The following SLC35F4 variants were observed in gnomAD, a reference collection of about 807,000 sequenced individuals.
SLC35F4 encodes the protein chromosome 14 open reading frame 36.
SLC35F4 carries 24 observed loss-of-function variants against 44.2 expected under a neutral mutation model. The ratio of observed to expected loss-of-function variants is 0.54; its 90% confidence interval spans 0.39 to 0.76. The LOEUF (loss-of-function observed/expected upper bound fraction) is 0.76. Among genes scored for constraint, SLC35F4 ranks in the 30% least tolerant of loss-of-function variants. SLC35F4 has a pLI of 0.00. For synonymous variants in SLC35F4, 238 were observed against 223.6 expected (o/e 1.06, Z -0.57); for missense variants, 562 against 586.1 (o/e 0.96, Z 0.42).
At chr14:57,681,091 T>G (rs1210182377) in intron 1 of SLC35F4, among the ~76,000 whole-genome samples, 1 of 152,104 alleles carries the variant, frequency 6.6e-6, no homozygotes, top group Admixed American at 6.6e-5. Context: ...AGAACAAACC[T>G]GGAAGCCATC....
chr14:57,710,016 C>A (rs1253058304), intron 1 of SLC35F4, among the ~76,000 whole-genome samples: 1 of 152,212 alleles, frequency 6.6e-6, no homozygotes, highest in Non-Finnish European at 1.5e-5. Flanking sequence ...TGATAATCAC[C>A]AAGACAATGG....
At chr14:57,825,548 G>C (rs948321033) in intron 1 of SLC35F4, among the ~76,000 whole-genome samples, 1 of 152,074 alleles carries the variant, frequency 6.6e-6, no homozygotes, top group Non-Finnish European at 1.5e-5. Context: ...AGTTCTACAA[G>C]CTTTAGAACA....
intron 4 of SLC35F4, among the ~76,000 whole-genome samples, chr14:57,577,936 A>G (rs998660743): frequency 6.6e-6 from 1 of 152,216 alleles, no homozygotes; most frequent in African/African-American, 2.4e-5. Context: ...ATGGGCTGAA[A>G]TGACTTCATA....
chr14:57,607,862 G>A (rs533638078), intron 1 of SLC35F4, among the ~76,000 whole-genome samples: 2 of 152,194 alleles, frequency 1.3e-5, no homozygotes, highest in African/African-American at 4.8e-5. Context: ...CGCAGAGATG[G>A]AATGGATATA....
At chr14:57,950,343 ATTTC>A (rs1217747153) in intron 1 of SLC35F4, among the ~76,000 whole-genome samples, 1 of 151,196 alleles carries the variant, frequency 6.6e-6, no homozygotes, top group Non-Finnish European at 1.5e-5. Flanking sequence ...TGCATTTTGT[ATTTC>A]TTTACGTGTG....
chr14:57,648,091 A>G (rs1300140214), intron 1 of SLC35F4, among the ~76,000 whole-genome samples: 2 of 152,220 alleles, frequency 1.3e-5, no homozygotes, highest in Non-Finnish European at 2.9e-5. Flanking sequence ...TTACTGTGAC[A>G]GTAACTTCTA....
At chr14:57,758,349 AT>A (rs375234024) in intron 1 of SLC35F4, among the ~76,000 whole-genome samples, 1 of 151,616 alleles carries the variant, frequency 6.6e-6, no homozygotes, top group African/African-American at 2.4e-5. Flanking sequence ...CCATTACTTT[AT>A]TTTTTTCTTA....
intron 1 of SLC35F4, among the ~76,000 whole-genome samples, chr14:57,709,969 TG>T (rs1374182404): frequency 6.6e-6 from 1 of 152,198 alleles, no homozygotes; most frequent in Non-Finnish European, 1.5e-5. Context: ...AAATTCAACC[TG>T]GCTGCAGAAA....
chr14:57,827,978 A>T (rs1436529412), intron 1 of SLC35F4, among the ~76,000 whole-genome samples: 2 of 152,214 alleles, frequency 1.3e-5, no homozygotes, highest in African/African-American at 2.4e-5. Flanking sequence ...CCCTAGGATG[A>T]ATCCCAAATT....
intron 1 of SLC35F4, among the ~76,000 whole-genome samples, chr14:57,940,065 T>A (rs185650327): frequency 4.3e-4 from 66 of 152,272 alleles, no homozygotes; most frequent in Non-Finnish European, 8.4e-4. Flanking sequence ...AGCCTAAGTG[T>A]GAAAGCCATT....
chr14:57,688,235 G>GA (rs201540887), intron 1 of SLC35F4, among the ~76,000 whole-genome samples: 222 of 150,156 alleles, frequency 1.5e-3, no homozygotes, highest in African/African-American at 4.8e-3. Flanking sequence ...AGAGATAGAG[G>GA]AAAAAAAAAG....
At chr14:57,899,794 G>T (rs1888960652) in intron 1 of SLC35F4, among the ~76,000 whole-genome samples, 1 of 152,116 alleles carries the variant, frequency 6.6e-6, no homozygotes, top group African/African-American at 2.4e-5. Context: ...TGGGTTCGTG[G>T]TCTCTCTGAC....
At chr14:57,607,682 G>T (rs769733018) in intron 1 of SLC35F4, among the ~76,000 whole-genome samples, 1 of 152,164 alleles carries the variant, frequency 6.6e-6, no homozygotes, top group Non-Finnish European at 1.5e-5. Context: ...TGGAATCATC[G>T]GATTTGAGTT....
intron 1 of SLC35F4, among the ~76,000 whole-genome samples, chr14:57,843,005 T>G (rs1430694953): frequency 2.0e-5 from 3 of 152,142 alleles, no homozygotes; most frequent in Non-Finnish European, 2.9e-5. Flanking sequence ...CGAACATCAG[T>G]CTCCAATTTC....
chr14:57,694,697 C>G (rs2075332056), intron 1 of SLC35F4, among the ~76,000 whole-genome samples: 1 of 152,056 alleles, frequency 6.6e-6, no homozygotes, highest in African/African-American at 2.4e-5. Flanking sequence ...TTATTTCTGT[C>G]TTGTATTTCT....
upstream of SLC35F4, among the ~76,000 whole-genome samples, chr14:57,869,569 C>T (rs954161073): frequency 2.0e-5 from 3 of 152,136 alleles, no homozygotes; most frequent in African/African-American, 7.2e-5. Flanking sequence ...TCTTTTTCCC[C>T]TCTGGGAAAT....
chr14:57,673,693 G>A (rs2140279980), intron 1 of SLC35F4, among the ~76,000 whole-genome samples: 1 of 152,002 alleles, frequency 6.6e-6, no homozygotes, highest in African/African-American at 2.4e-5. Flanking sequence ...GGTGGGGGTG[G>A]GAGGAGGTGT....
At chr14:57,629,601 C>T (rs969780505) in intron 1 of SLC35F4, among the ~76,000 whole-genome samples, 3 of 152,078 alleles carry the variant, frequency 2.0e-5, no homozygotes, top group African/African-American at 7.2e-5. Flanking sequence ...CATATAGAAA[C>T]TTCAAGATTA....
intron 1 of SLC35F4, among the ~76,000 whole-genome samples, chr14:57,967,034 G>T (rs1472458951): frequency 6.6e-6 from 1 of 150,956 alleles, no homozygotes; most frequent in Non-Finnish European, 1.5e-5. Flanking sequence ...GAAAAGAAAA[G>T]AAATTCATAA....
Sources: gnomAD v4.1 joint callset for allele counts (sites outside exome capture counted in the v4.1 genomes callset) on GRCh38, gnomAD v4.1.1 for gene constraint, MANE v1.5 for transcripts, NCBI Gene and HGNC (gene_info 2026-07-23, HGNC 2026-07-21) for gene names.